ADD1: variants seen among roughly 807,000 people sequenced by gnomAD.
The protein encoded by ADD1 is adducin 1.
In ADD1, 24 loss-of-function variants were observed where a neutral mutation model predicts 80.5. The observed-to-expected ratio is 0.30, with a 90% confidence interval of 0.22 to 0.42. The LOEUF is 0.42. Among genes scored for constraint, ADD1 ranks in the 10% least tolerant of loss-of-function variants. The pLI is 1.00. For synonymous variants in ADD1, 373 were observed against 393.8 expected (o/e 0.95, Z 0.63); for missense variants, 948 against 1,019.0 (o/e 0.93, Z 0.95).
chr4:2,922,890 G>C (rs1179173407), intron 14 of ADD1, among the ~76,000 whole-genome samples: 1 of 152,250 alleles, frequency 6.6e-6, no homozygotes, highest in African/African-American at 2.4e-5. Flanking sequence ...GCATAGCTGC[G>C]GTGGGCTCTG....
At position 2,883,495 on chromosome 4, in the gene ADD1, G is replaced by A. The variant is rs191070130; in HGVS notation, c.359-1020G>A. 1.1e-3 allele frequency among the ~76,000 whole-genome samples: 166 copies of A among 151,894 alleles called. 1 individual carries two copies. Among genetic ancestry groups the A allele is most frequent in the Admixed American group, 3.6e-3 (55 of 15,246 alleles). On this transcript the variant is annotated intron_variant, in intron 3 of 15. Transcript: ENST00000683351. ...TCCCTTAGTCTTTCTTCTTTAGTTTGTTATGGTGAATTATGTTTTTTTGTT... is the reference window on the plus strand; with the variant it reads ...TCCCTTAGTCTTTCTTCTTTAGTTTATTATGGTGAATTATGTTTTTTTGTT...
At chr4:2,898,894 C>G (rs1322261398) in intron 8 of ADD1, 2 of 382,632 alleles carry the variant, frequency 5.2e-6, no homozygotes, top group Admixed American at 8.6e-5. Context: ...AGTAGAGACT[C>G]AGAGACTTGC....
intron 1 of ADD1, among the ~76,000 whole-genome samples, chr4:2,850,208 CAA>C (rs1726854210): frequency 6.6e-6 from 1 of 152,216 alleles, no homozygotes; most frequent in Non-Finnish European, 1.5e-5. Flanking sequence ...AAGCCAGACA[CAA>C]GAGACCATGT....
At chr4:2,918,753 C>G (rs1349691376) in intron 14 of ADD1, among the ~76,000 whole-genome samples, 1 of 151,834 alleles carries the variant, frequency 6.6e-6, no homozygotes, top group Non-Finnish European at 1.5e-5. Flanking sequence ...AAGGCTTTTT[C>G]TGCGTCTATT....
At chr4:2,852,138 T>TTTTCTTTTCTTTC (rs1727191748) in intron 1 of ADD1, among the ~76,000 whole-genome samples, 2 of 97,580 alleles carry the variant, frequency 2.0e-5, no homozygotes, top group South Asian at 8.4e-4. Context: ...ACCCGGCCTC[T>TTTTCTTTTCTTTC]TTTCTTTCTT....
intron 6 of ADD1, among the ~76,000 whole-genome samples, chr4:2,895,185 T>C (rs1324633997): frequency 6.6e-6 from 1 of 152,002 alleles, no homozygotes; most frequent in East Asian, 1.9e-4. Flanking sequence ...GAGCCAAGGA[T>C]GTTGAGGTTT....
At chr4:2,854,622 T>A (rs1293536026) in intron 1 of ADD1, among the ~76,000 whole-genome samples, 3 of 152,260 alleles carry the variant, frequency 2.0e-5, no homozygotes, top group African/African-American at 7.2e-5. Flanking sequence ...CTTAGGTTTA[T>A]GGCCTTTTCC....
chr4:2,865,819 A>G (rs1358053465), intron 1 of ADD1, among the ~76,000 whole-genome samples: 1 of 152,236 alleles, frequency 6.6e-6, no homozygotes, highest in Non-Finnish European at 1.5e-5. Context: ...AACTATAGTT[A>G]AAAAATTAAA....
chr4:2,853,525 T>G (rs964911967), intron 1 of ADD1: 1 of 152,216 alleles, frequency 6.6e-6, no homozygotes, highest in Non-Finnish European at 1.5e-5. Flanking sequence ...TTATGATTTC[T>G]TTTTTGGCCC....
chr4:2,859,580 T>C (rs1728549361), intron 1 of ADD1, among the ~76,000 whole-genome samples: 1 of 152,240 alleles, frequency 6.6e-6, no homozygotes, highest in Non-Finnish European at 1.5e-5. Context: ...CACTCCAGCC[T>C]TGGCAACCGT....
chr4:2,844,143 C>A (rs992546324), intron 1 of ADD1, 119 bp downstream of exon 1: 2 of 144,614 alleles, frequency 1.4e-5, no homozygotes, highest in African/African-American at 2.6e-5. Context: ...GCGGCCCGGG[C>A]AGCCTCGGGG....
chr4:2,925,948 G>C lies in ADD1; in HGVS notation c.1949-66G>C, dbSNP rs1311594291. 2.7e-5 allele frequency: 38 copies of C among 1,428,256 alleles called. 1 individual carries two copies. The Admixed American group carries it at 5.7e-4, about 21-fold the overall frequency. The allele number at this position is 1,428,256 out of a possible 1,614,324, so 88.5% of individuals were successfully genotyped here. On this transcript the variant is annotated intron_variant, in intron 14 of 15. Coordinates refer to ENST00000683351, the MANE Select transcript of ADD1 (RefSeq NM_001354761.2). ...CGAGCGGGCTGCCCCATCTGCCATG[G>C]AGGCAGGTACAGGCTCATGGCGTGG...
At chr4:2,917,574 C>T (rs1317676241) in intron 14 of ADD1, among the ~76,000 whole-genome samples, 1 of 152,130 alleles carries the variant, frequency 6.6e-6, no homozygotes, top group Non-Finnish European at 1.5e-5. Flanking sequence ...GTTGCCATTG[C>T]TTTTGGTGTT....
rs1735794244 is a variant in ADD1 at position 2,899,376 on chromosome 4, C to G, written c.1102C>G (p.Pro368Ala). Reference sequence around the variant, plus strand: ...GGTAGGGGAAGGCACTGGATCGCCTCCCAAGTGGCAGATTGGTGAGCAGGA... The same window carrying G: ...GGTAGGGGAAGGCACTGGATCGCCTGCCAAGTGGCAGATTGGTGAGCAGGA... ...SPVGEGTGSP[P>A]KWQIGEQEFE... is the part of the protein sequence containing the mutation. The change falls in exon 9 of 16, where the codon CCC becomes GCC. Residue 368 changes from proline (P) to alanine (A), a missense_variant. Pro to Ala is a conservative substitution (Grantham distance 27, BLOSUM62 -1). Coordinates refer to ENST00000683351, the MANE Select transcript of ADD1 (RefSeq NM_001354761.2). 9.9e-6 allele frequency: 16 copies of G among 1,614,092 alleles called. No homozygotes were observed. Among genetic ancestry groups the G allele is most frequent in the Non-Finnish European group, 1.3e-5 (15 of 1,180,042 alleles).
chr4:2,845,743 A>G (rs1726102751), intron 1 of ADD1, among the ~76,000 whole-genome samples: 2 of 152,230 alleles, frequency 1.3e-5, no homozygotes, highest in South Asian at 4.1e-4. Flanking sequence ...TGATTTTGCC[A>G]TAAAAACTGT....
Position 2,926,215 on chromosome 4 carries a change from T to C in ADD1, c.2047+103T>C, listed in dbSNP as rs1024233185. 1.9e-5 allele frequency: 19 copies of C among 1,021,072 alleles called. No individual in the cohort carries two copies. The highest frequency in any genetic ancestry group is 3.2e-5 in the African/African-American group (2 of 63,328). 63.3% of individuals were successfully genotyped at this position (1,021,072 alleles called of 1,614,324 possible). On this transcript the variant is annotated intron_variant, in intron 15 of 15. Coordinates refer to ENST00000683351, the MANE Select transcript of ADD1 (RefSeq NM_001354761.2). The surrounding 1 kb of genome is among the most constrained non-coding windows in gnomAD (Gnocchi z 5.0). ...TCGTGTTAACAGCAACACGGAAGTGTGTGCTTGCATCAGCGCCAGGACGTG... is the reference window on the plus strand; with the variant it reads ...TCGTGTTAACAGCAACACGGAAGTGCGTGCTTGCATCAGCGCCAGGACGTG...
chr4:2,907,931 C>G (rs1737334692), intron 11 of ADD1, 87 bp downstream of exon 11: 5 of 1,048,496 alleles, frequency 4.8e-6, no homozygotes, highest in African/African-American at 1.6e-5. Flanking sequence ...GTGCTTGCTT[C>G]TAGCAGAGGG....
At chr4:2,896,028 C>T (rs576589854) in intron 6 of ADD1, among the ~76,000 whole-genome samples, 1 of 152,120 alleles carries the variant, frequency 6.6e-6, no homozygotes, top group African/African-American at 2.4e-5. Context: ...GCTGGGACTA[C>T]AGGTGCCCGC....
chr4:2,901,748 G>T (rs1736207201), intron 9 of ADD1: 1 of 151,848 alleles, frequency 6.6e-6, no homozygotes, highest in Non-Finnish European at 1.5e-5. Flanking sequence ...ACCAGCCTGG[G>T]CAACATAGCG....
Sources: gnomAD v4.1 joint callset for allele counts (sites outside exome capture counted in the v4.1 genomes callset) on GRCh38, gnomAD v4.1.1 for gene constraint, Gnocchi (gnomAD v3.1) non-coding constraint, MANE v1.5 for transcripts, NCBI Gene and HGNC (gene_info 2026-07-23, HGNC 2026-07-21) for gene names.